Variants in MPP7 observed in about 807,000 individuals in gnomAD.
MPP7 encodes MAGUK p55 scaffold protein 7.
Under a neutral mutation model 76.5 loss-of-function variants are expected in MPP7, and 60 were observed. That is an observed-to-expected ratio of 0.78 (90% CI 0.64 to 0.97). The LOEUF (loss-of-function observed/expected upper bound fraction) is 0.97, where lower values mean the gene tolerates loss of function less well. Ranked by LOEUF, MPP7 falls within the 50% of genes least tolerant of loss-of-function variation. The probability of loss-of-function intolerance (pLI) is 0.00; values close to 1 mark genes in which losing one functional copy is unlikely to be tolerated. For missense variants in MPP7, 641 were observed against 694.0 expected (o/e 0.92, Z 0.86); for synonymous variants, 237 against 244.5 (o/e 0.97, Z 0.29).
intron 5 of MPP7, among the ~76,000 whole-genome samples, chr10:28,143,872 T>C (rs1392419777): frequency 1.4e-5 from 2 of 141,982 alleles, no homozygotes; most frequent in Non-Finnish European, 3.0e-5. Context: ...TGTGTGTGTG[T>C]GTGTGTGTGT....
chr10:28,183,265 TG>T lies in MPP7; in HGVS notation c.156+18887del, dbSNP rs1459761480. On this transcript the variant is annotated intron_variant, in intron 3 of 16. Coordinates refer to ENST00000683449, the MANE Select transcript of MPP7 (RefSeq NM_001318170.2). ...ACAGGAGGGATGTTCAGACTTCAAC[TG>T]GATCTACAATATTTTCTCTCTTAAG... Among the ~76,000 whole-genome samples the T allele has an allele frequency of 2.0e-5, 3 of 152,170 alleles. No homozygotes were observed. In the East Asian group the frequency reaches 5.8e-4, roughly 29 times the overall value.
Position 28,238,576 on chromosome 10 carries a change from C to T in MPP7, c.29G>A (p.Ser10Asn). The T allele has an allele frequency of 6.2e-7, 1 of 1,614,122 alleles. No individual in the cohort carries two copies. Among genetic ancestry groups the T allele is most frequent in the South Asian group, 1.1e-5 (1 of 91,080 alleles). Residue 10 changes from serine to asparagine, a missense_variant, in exon 2 of 17, where the codon AGT becomes AAT. Physicochemically the swap from Ser to Asn is conservative, Grantham distance 46 (BLOSUM62 1). Transcript: ENST00000683449. ...CTCTTGGGGTCACATACCAGTGTCA[C>T]TCCCAGATCCCGTTGACAAAGCTGG... MPALSTGSG[S>N]DTGLYELLAA...
At chr10:28,166,801 T>C (rs1392336936) in intron 3 of MPP7, among the ~76,000 whole-genome samples, 1 of 152,198 alleles carries the variant, frequency 6.6e-6, no homozygotes, top group East Asian at 1.9e-4. Context: ...TTGAGCTTCA[T>C]AAAAATGGTA....
At chr10:28,081,276 C>G (rs1273050810) in intron 12 of MPP7, among the ~76,000 whole-genome samples, 3 of 152,154 alleles carry the variant, frequency 2.0e-5, no homozygotes, top group Non-Finnish European at 4.4e-5. Flanking sequence ...TTTTTAACAC[C>G]TAAGTCTTCT....
chr10:28,213,790 T>G (rs1838222848), intron 2 of MPP7, among the ~76,000 whole-genome samples: 1 of 95,030 alleles, frequency 1.1e-5, no homozygotes, highest in South Asian at 3.3e-4. Flanking sequence ...AGACTCTGTC[T>G]CAAAAAAAAA....
intron 4 of MPP7, among the ~76,000 whole-genome samples, chr10:28,148,293 A>G (rs2133766045): frequency 6.6e-6 from 1 of 152,318 alleles, no homozygotes; most frequent in East Asian, 1.9e-4. Context: ...CCATTAAGAG[A>G]TATTCCTATC....
chr10:28,238,460 G>T, intron 2 of MPP7, 108 bp downstream of exon 2: 2 of 1,231,628 alleles, frequency 1.6e-6, no homozygotes, highest in Non-Finnish European at 1.2e-6. Flanking sequence ...GTTGGTGACA[G>T]AAAAACAAGC....
chr10:28,238,842 G>A (rs886320744), intron 1 of MPP7, 107 bp from the exon 2 acceptor site: 16 of 487,540 alleles, frequency 3.3e-5, no homozygotes, highest in African/African-American at 2.5e-4. Flanking sequence ...TGGAGAGATC[G>A]CAACTCTTCA....
chr10:28,163,144 C>T (rs1836320672), intron 3 of MPP7, among the ~76,000 whole-genome samples: 1 of 152,156 alleles, frequency 6.6e-6, no homozygotes, highest in African/African-American at 2.4e-5. Flanking sequence ...GCACACAGCA[C>T]CTCCAATCCT....
At chr10:28,105,665 G>A (rs1418612947) in intron 11 of MPP7, among the ~76,000 whole-genome samples, 2 of 152,088 alleles carry the variant, frequency 1.3e-5, no homozygotes, top group Non-Finnish European at 2.9e-5. Context: ...GCGCCACTAT[G>A]CCCAGCTAAT....
intron 12 of MPP7, among the ~76,000 whole-genome samples, chr10:28,088,773 G>A (rs1451370387): frequency 1.3e-5 from 2 of 152,220 alleles, no homozygotes; most frequent in Non-Finnish European, 2.9e-5. Context: ...GATACATGGA[G>A]CTTGTGGCTA....
At chr10:28,203,516 AC>A (rs1837851158) in intron 2 of MPP7, among the ~76,000 whole-genome samples, 1 of 147,880 alleles carries the variant, frequency 6.8e-6, no homozygotes, top group Admixed American at 6.8e-5. Context: ...AAAAAAAAAA[AC>A]CTTCTCTCAA....
intron 6 of MPP7, among the ~76,000 whole-genome samples, chr10:28,125,734 G>A (rs143974223): frequency 3.2e-3 from 491 of 152,254 alleles, no homozygotes; most frequent in African/African-American, 0.011. Context: ...CTTACTCCAT[G>A]GTTTTAGTGA....
At chr10:28,083,349 C>G (rs561821975) in intron 12 of MPP7, among the ~76,000 whole-genome samples, 1 of 152,242 alleles carries the variant, frequency 6.6e-6, no homozygotes, top group East Asian at 1.9e-4. Flanking sequence ...CAGTGTCGTG[C>G]TGTACACAGG....
At chr10:28,190,158 A>T (rs1485103674) in intron 3 of MPP7, among the ~76,000 whole-genome samples, 1 of 152,202 alleles carries the variant, frequency 6.6e-6, no homozygotes, top group African/African-American at 2.4e-5. Flanking sequence ...CTAAAAAGAA[A>T]GCATCAAAAG....
chr10:28,125,748 A>G (rs1834997543), intron 6 of MPP7, among the ~76,000 whole-genome samples: 1 of 152,236 alleles, frequency 6.6e-6, no homozygotes. Flanking sequence ...TTAGTGAACT[A>G]GGATTGTAAC....
At chr10:28,118,068 GAATA>G (rs1461421209) in intron 11 of MPP7, 6 of 962,328 alleles carry the variant, frequency 6.2e-6, no homozygotes, top group East Asian at 1.2e-4. Context: ...ATAAATGCTA[GAATA>G]AATATTTATC....
chr10:28,060,186 T>C (rs1359596240), intron 13 of MPP7, among the ~76,000 whole-genome samples: 2 of 152,136 alleles, frequency 1.3e-5, no homozygotes, highest in Non-Finnish European at 2.9e-5. Context: ...ACATAGTGGG[T>C]ATGCCATCAA....
At chr10:28,243,628 TGTAACA>T (rs141622447) in intron 1 of MPP7, among the ~76,000 whole-genome samples, 5,268 of 152,268 alleles carry the variant, frequency 0.035, 166 homozygotes, top group African/African-American at 0.078. Flanking sequence ...ATATCTTTGG[TGTAACA>T]GCAAATATCC....
Sources: gnomAD v4.1 joint callset for allele counts (sites outside exome capture counted in the v4.1 genomes callset) on GRCh38, gnomAD v4.1.1 for gene constraint, MANE v1.5 for transcripts, NCBI Gene and HGNC (gene_info 2026-07-23, HGNC 2026-07-21) for gene names.